ZSWIM5: variants seen among roughly 807,000 people sequenced by gnomAD.
ZSWIM5 encodes the protein zinc finger SWIM domain-containing protein 5.
In ZSWIM5, 55 loss-of-function variants were observed where a neutral mutation model predicts 119.6. That is an observed-to-expected ratio of 0.46 (90% CI 0.37 to 0.58). The LOEUF (loss-of-function observed/expected upper bound fraction) is 0.58. Ranked by LOEUF, ZSWIM5 falls within the 20% of genes least tolerant of loss-of-function variation. The pLI is 0.00. For synonymous variants in ZSWIM5, 537 were observed against 606.9 expected, an observed-to-expected ratio of 0.88 and a Z score of 1.69; for missense variants, 1,193 against 1,512.8, an observed-to-expected ratio of 0.79 and a Z score of 3.51.
intron 2 of ZSWIM5, among the ~76,000 whole-genome samples, chr1:45,068,830 G>A (rs1452228466): frequency 1.0e-5 from 1 of 95,764 alleles, no homozygotes; most frequent in African/African-American, 4.2e-5. Flanking sequence ...TCTGAGACAG[G>A]ATCTTTGTCT....
chr1:45,095,661 C>T (rs183317624), intron 1 of ZSWIM5, among the ~76,000 whole-genome samples: 96 of 152,244 alleles, frequency 6.3e-4, no homozygotes, highest in Non-Finnish European at 7.4e-4. Context: ...AGACATATAA[C>T]GCCTGATTGT....
At chr1:45,144,751 G>T (rs772568153) in intron 1 of ZSWIM5, among the ~76,000 whole-genome samples, 2 of 152,278 alleles carry the variant, frequency 1.3e-5, no homozygotes, top group Middle Eastern at 3.4e-3. Flanking sequence ...TGTGACCTGG[G>T]ATTAGGCAAA....
At chr1:45,170,018 T>C (rs1235298075) in intron 1 of ZSWIM5, among the ~76,000 whole-genome samples, 1 of 152,134 alleles carries the variant, frequency 6.6e-6, no homozygotes, top group Non-Finnish European at 1.5e-5. Context: ...GCTATTTTAT[T>C]TCATTTTAAA....
rs773711850 is a variant in ZSWIM5 at position 45,018,719 on chromosome 1, C to T, written c.3293G>A (p.Gly1098Glu). Residue 1098 changes from glycine (G) to glutamate (E), a missense_variant, in exon 14 of 14, where the codon GGA becomes GAA. Coordinates refer to ENST00000359600, the MANE Select transcript of ZSWIM5 (RefSeq NM_020883.2). The surrounding 1 kb of genome is among the most constrained non-coding windows in gnomAD (Gnocchi z 6.7). The part of the protein sequence containing the change: ...LAGIPGRRSS[G>E]KLMSTDKAPL... ...AGCTTTGTCAGTGGACATGAGCTTT[C>T]CAGAGCTTCGGCGGCCTGGGATGCC... 1.9e-6 allele frequency: 3 copies of T among 1,614,246 alleles called. No homozygotes were observed. Among genetic ancestry groups the T allele is most frequent in the Non-Finnish European group, 2.5e-6 (3 of 1,180,050 alleles).
Position 45,016,903 on chromosome 1 carries a change from G to A in ZSWIM5, c.*1551C>T, listed in dbSNP as rs907808909. ...GGCTAAGACAGGACTGCCCACTAGG[G>A]CTAGAAATTAGGAAGGGAGAGGCTA... On this transcript the variant is annotated 3_prime_UTR_variant, in exon 14 of 14. Coordinates refer to ENST00000359600, the MANE Select transcript of ZSWIM5 (RefSeq NM_020883.2). The A allele has an allele frequency of 1.3e-5, 2 of 152,316 alleles. No individual in the cohort carries two copies. Among genetic ancestry groups the A allele is most frequent in the African/African-American group, 4.8e-5 (2 of 41,454 alleles). The allele number at this position is 152,316 out of a possible 1,614,324, so 9.4% of individuals were successfully genotyped here.
intron 1 of ZSWIM5, among the ~76,000 whole-genome samples, chr1:45,194,292 T>C (rs1304009016): frequency 6.6e-6 from 1 of 152,170 alleles, no homozygotes; most frequent in African/African-American, 2.4e-5. Flanking sequence ...TTCCTGTTGC[T>C]CACAGACCAA....
At chr1:45,131,147 C>T (rs890460010) in intron 1 of ZSWIM5, among the ~76,000 whole-genome samples, 1 of 152,042 alleles carries the variant, frequency 6.6e-6, no homozygotes, top group Non-Finnish European at 1.5e-5. Flanking sequence ...GATGGATTCT[C>T]GTGGTGATGT....
intron 1 of ZSWIM5, among the ~76,000 whole-genome samples, chr1:45,169,816 T>C (rs1261462459): frequency 6.6e-5 from 10 of 152,120 alleles, no homozygotes; most frequent in African/African-American, 2.4e-4. Flanking sequence ...CTGAATACTT[T>C]CGTTAGCATT....
intron 1 of ZSWIM5, among the ~76,000 whole-genome samples, chr1:45,132,463 T>C (rs529668115): frequency 6.6e-6 from 1 of 152,142 alleles, no homozygotes; most frequent in Non-Finnish European, 1.5e-5. Flanking sequence ...CTAGAATAAA[T>C]CATGGGAAAT....
At chr1:45,049,109 T>C (rs1022032855) in intron 5 of ZSWIM5, among the ~76,000 whole-genome samples, 15 of 151,890 alleles carry the variant, frequency 9.9e-5, no homozygotes, top group Admixed American at 3.9e-4. Flanking sequence ...CTAGCGTGGG[T>C]GACACAGTGA....
chr1:45,158,005 T>C (rs530939841), intron 1 of ZSWIM5, among the ~76,000 whole-genome samples: 2 of 152,280 alleles, frequency 1.3e-5, no homozygotes, highest in Non-Finnish European at 2.9e-5. Flanking sequence ...CCATATCTTA[T>C]TGAGTTTTCT....
intron 1 of ZSWIM5, among the ~76,000 whole-genome samples, chr1:45,166,722 T>C (rs1458545054): frequency 1.3e-5 from 2 of 152,076 alleles, no homozygotes. Flanking sequence ...CCATTCACAA[T>C]TGCTTCAAAG....
chr1:45,160,989 A>ATTTTTTTTTTTTTTTTTTTTTTTTTTTT (rs534599856), intron 1 of ZSWIM5, among the ~76,000 whole-genome samples: 23 of 122,634 alleles, frequency 1.9e-4, no homozygotes, highest in Admixed American at 4.2e-4. Flanking sequence ...GCCCGGCTAA[A>ATTTTTTTTTTTTTTTTTTTTTTTTTTTT]TTTTTTTTTT....
chr1:45,080,214 G>A (rs1645281373), intron 2 of ZSWIM5, among the ~76,000 whole-genome samples: 1 of 152,162 alleles, frequency 6.6e-6, no homozygotes, highest in Non-Finnish European at 1.5e-5. Context: ...AGGAGTTGCA[G>A]TCCTTGCGGC....
rs757511178 is a variant in ZSWIM5 at position 45,051,239 on chromosome 1, A to G, written c.1267T>C (p.Cys423Arg). 6.2e-7 allele frequency: 1 copy of G among 1,614,124 alleles called. No homozygotes were observed. Among genetic ancestry groups the G allele is most frequent in the South Asian group, 1.1e-5 (1 of 91,064 alleles). ...LWDELGALWV[C>R]IILNPHCKLE... ...TTGCAGTGTGGATTTAAAATTATGC[A>G]CACCCATAAAGCCCCTGGAAAATAA... is the stretch of plus-strand genomic sequence containing the variant. The change falls in exon 5 of 14, where the codon TGC (cysteine) becomes CGC (arginine). Residue 423 changes from cysteine (C) to arginine (R), a missense_variant. Transcript: ENST00000359600.
intron 2 of ZSWIM5, chr1:45,070,082 A>G: frequency 3.2e-6 from 3 of 927,220 alleles, no homozygotes; most frequent in Middle Eastern, 2.1e-4. Context: ...GAAGAAATCT[A>G]TTGAGTTTTG....
intron 1 of ZSWIM5, among the ~76,000 whole-genome samples, chr1:45,175,685 C>G (rs1570181415): frequency 6.6e-6 from 1 of 151,560 alleles, no homozygotes; most frequent in East Asian, 1.9e-4. Flanking sequence ...CTCCTGGGCT[C>G]ATGTGATCTT....
Position 45,018,322 on chromosome 1 carries a change from G to GC in ZSWIM5, c.*131dup. 1.8e-6 allele frequency: 2 copies of GC among 1,125,162 alleles called. No homozygotes were observed. Among genetic ancestry groups the GC allele is most frequent in the Non-Finnish European group, 2.5e-6 (2 of 798,896 alleles). The allele number at this position is 1,125,162 out of a possible 1,614,324, so 69.7% of individuals were successfully genotyped here. A position where few individuals can be genotyped will look rare whatever the true frequency, so the allele number is the denominator to read the frequency against. ...TAGAGCTGGACTTTCCCCATCCTTA[G>GC]CCCTGTGGTCCTTTGGCCTCATCCA... On this transcript the variant is annotated 3_prime_UTR_variant, in exon 14 of 14. Transcript: ENST00000359600. The surrounding 1 kb of genome is among the most constrained non-coding windows in gnomAD (Gnocchi z 6.7).
rs184062489 is a variant in ZSWIM5, at chr1:45,080,288, C to A, written c.952+7593G>T. On this transcript the variant is annotated intron_variant, in intron 2 of 13. Coordinates refer to ENST00000359600, the MANE Select transcript of ZSWIM5 (RefSeq NM_020883.2). ...CTTTAGCCCACAGAGGGGAGGCTTG[C>A]TGGAACTCAAGTTTGGACTGCTGGG... 2.2e-4 allele frequency among the ~76,000 whole-genome samples: 34 copies of A among 152,290 alleles called. No individual in the cohort carries two copies. The East Asian group carries it at 5.2e-3, about 23-fold the overall frequency.
Sources: gnomAD v4.1 joint callset for allele counts (sites outside exome capture counted in the v4.1 genomes callset) on GRCh38, gnomAD v4.1.1 for gene constraint, Gnocchi (gnomAD v3.1) non-coding constraint, MANE v1.5 for transcripts, NCBI Gene and HGNC (gene_info 2026-07-23, HGNC 2026-07-21) for gene names.